Variants in CPSF2 observed in about 807,000 individuals in gnomAD.
The protein encoded by CPSF2 is cleavage and polyadenylation specificity factor subunit 2.
In CPSF2, 51 loss-of-function variants were observed where a neutral mutation model predicts 84.2. That is an observed-to-expected ratio of 0.61 (90% CI 0.48 to 0.77). The LOEUF (loss-of-function observed/expected upper bound fraction) is 0.77. CPSF2 is among the 30% of genes least tolerant of loss of function. CPSF2 has a pLI of 0.00. For missense variants in CPSF2, 641 were observed against 929.4 expected (o/e 0.69, Z 4.03); for synonymous variants, 286 against 311.9 (o/e 0.92, Z 0.87).
intron 8 of CPSF2, among the ~76,000 whole-genome samples, chr14:92,142,683 C>T (rs574966711): frequency 3.3e-5 from 5 of 152,122 alleles, no homozygotes; most frequent in Non-Finnish European, 7.4e-5. Context: ...ATTGTTCTTT[C>T]TTTTAAATAA....
At chr14:92,156,132 A>T (rs1367406724) in intron 11 of CPSF2, among the ~76,000 whole-genome samples, 2 of 152,182 alleles carry the variant, frequency 1.3e-5, no homozygotes, top group African/African-American at 4.8e-5. Context: ...CACTAAAAAT[A>T]CAAAAAAATT....
Position 92,161,225 on chromosome 14 carries a change from C to T in CPSF2, c.2235C>T (p.Asn745=), listed in dbSNP as rs973980735. 6.2e-7 allele frequency: 1 copy of T among 1,612,480 alleles called. No individual in the cohort carries two copies. Among genetic ancestry groups the T allele is most frequent in the South Asian group, 1.1e-5 (1 of 90,800 alleles). The change falls in exon 15 of 16, where the codon AAC becomes AAT. Residue 745 remains asparagine (N), a synonymous_variant. Coordinates refer to ENST00000298875, the MANE Select transcript of CPSF2 (RefSeq NM_017437.3). ...TTGTAGGAGGTGTACTTGTTTGCAA[C>T]AATCAAGTAGCAGTCCGCAGAGTAA... is the stretch of plus-strand genomic sequence containing the variant. The part of the protein sequence containing the change: ...AEFVGGVLVC[N]NQVAVRRTET...
Position 92,143,072 on chromosome 14 carries a change from C to T in CPSF2, c.918C>T (p.Arg306=). 3 of 1,613,970 alleles carry T rather than the reference C, an allele frequency of 1.9e-6. No homozygotes were observed. The highest frequency in any genetic ancestry group is 2.5e-6 in the Non-Finnish European group (3 of 1,179,894). ...AAAGAAATAATCCGTTTCAGTTTCG[C>T]CATCTCTCTTTATGTCATGGTCTTT... is the stretch of plus-strand genomic sequence containing the variant. ...EDKRNNPFQF[R]HLSLCHGLSD... Residue 306 remains arginine, a synonymous_variant, in exon 9 of 16, where the codon CGC becomes CGT. Coordinates refer to ENST00000298875, the MANE Select transcript of CPSF2 (RefSeq NM_017437.3).
intron 7 of CPSF2, among the ~76,000 whole-genome samples, chr14:92,139,608 G>A (rs919357600): frequency 2.9e-4 from 42 of 146,948 alleles, no homozygotes; most frequent in South Asian, 1.3e-3. Context: ...GCACAGTCTC[G>A]GCTCACTGCA....
chr14:92,122,447 T>C (rs565130183), intron 1 of CPSF2: 1 of 157,230 alleles, frequency 6.4e-6, no homozygotes, highest in Admixed American at 6.2e-5. Context: ...CGACGCCAGC[T>C]TTAGCTCCTT....
Position 92,167,755 on chromosome 14 carries a change from T to C in CPSF2, c.*6011T>C, listed in dbSNP as rs1377719505. ...AGAAAGAGTAAATCTTATCTTCTTCTGTACTTTTCTTTGATTAATGTAAGA... is the reference window on the plus strand; with the variant it reads ...AGAAAGAGTAAATCTTATCTTCTTCCGTACTTTTCTTTGATTAATGTAAGA... On this transcript the variant is annotated 3_prime_UTR_variant, in exon 16 of 16. Transcript: ENST00000298875. 6.9e-6 allele frequency: 1 copy of C among 145,774 alleles called. No homozygotes were observed. Among genetic ancestry groups the C allele is most frequent in the Non-Finnish European group, 1.5e-5 (1 of 66,378 alleles). 9.0% of individuals were successfully genotyped at this position (145,774 alleles called of 1,614,324 possible).
Position 92,169,296 on chromosome 14 carries a change from C to T in CPSF2, c.*7552C>T, listed in dbSNP as rs952036176. On this transcript the variant is annotated 3_prime_UTR_variant, in exon 16 of 16. Coordinates refer to ENST00000298875, the MANE Select transcript of CPSF2 (RefSeq NM_017437.3). ...GTCTCAGCCTCATGTGGCATTGCCA[C>T]TTGTTACTACATGACCCCCCCACAC... 1 of 152,188 alleles carries T rather than the reference C, an allele frequency of 6.6e-6. No homozygotes were observed. The highest frequency in any genetic ancestry group is 2.4e-5 in the African/African-American group (1 of 41,444). 9.4% of individuals were successfully genotyped at this position (152,188 alleles called of 1,614,324 possible). A position where few individuals can be genotyped will look rare whatever the true frequency, so the allele number is the denominator to read the frequency against.
chr14:92,135,797 C>T (rs954270394), intron 6 of CPSF2, among the ~76,000 whole-genome samples: 40 of 152,136 alleles, frequency 2.6e-4, no homozygotes, highest in Admixed American at 4.6e-4. Context: ...TCTTGACCTG[C>T]TATTTAACAC....
intron 2 of CPSF2, among the ~76,000 whole-genome samples, chr14:92,129,916 A>G (rs927452989): frequency 1.3e-5 from 2 of 151,428 alleles, no homozygotes; most frequent in African/African-American, 2.4e-5. Context: ...CAGTTTTCTT[A>G]TATTTTTTTT....
At chr14:92,158,778 T>G (rs1201910511) in intron 13 of CPSF2, among the ~76,000 whole-genome samples, 1 of 152,198 alleles carries the variant, frequency 6.6e-6, no homozygotes, top group Non-Finnish European at 1.5e-5. Flanking sequence ...TAGTCAGGGT[T>G]AAGAATCTCT....
chr14:92,155,695 G>C (rs985340902), intron 11 of CPSF2, among the ~76,000 whole-genome samples: 1 of 151,778 alleles, frequency 6.6e-6, no homozygotes, highest in Non-Finnish European at 1.5e-5. Context: ...TTGGGAGGCC[G>C]AGATGGGAGG....
rs910226931 is a variant in CPSF2 at position 92,130,894 on chromosome 14, A to G, written c.-34-57A>G. 2.9e-6 allele frequency: 3 copies of G among 1,046,728 alleles called. No homozygotes were observed. The Admixed American group carries it at 8.5e-5, about 30-fold the overall frequency. The allele number at this position is 1,046,728 out of a possible 1,614,324, so 64.8% of individuals were successfully genotyped here. A position where few individuals can be genotyped will look rare whatever the true frequency, so the allele number is the denominator to read the frequency against. On this transcript the variant is annotated intron_variant, in intron 2 of 15. Coordinates refer to ENST00000298875, the MANE Select transcript of CPSF2 (RefSeq NM_017437.3). Reference sequence around the variant, plus strand: ...TGAAATAATTTTAATCAATTTGTTTATTATATATGCCAGACTGTGCTTTTA... The same window carrying G: ...TGAAATAATTTTAATCAATTTGTTTGTTATATATGCCAGACTGTGCTTTTA...
intron 6 of CPSF2, among the ~76,000 whole-genome samples, chr14:92,137,867 CG>C (rs1162045699): frequency 6.6e-6 from 1 of 151,654 alleles, no homozygotes; most frequent in Non-Finnish European, 1.5e-5. Flanking sequence ...TAGAACTGAG[CG>C]TATAGGAATG....
intron 9 of CPSF2, among the ~76,000 whole-genome samples, chr14:92,149,564 C>T (rs1397631573): frequency 6.6e-6 from 1 of 151,958 alleles, no homozygotes; most frequent in Non-Finnish European, 1.5e-5. Context: ...CCAGTCTGGG[C>T]AGCATAGCGA....
At chr14:92,160,195 T>A (rs1383742011) in intron 14 of CPSF2, among the ~76,000 whole-genome samples, 1 of 152,228 alleles carries the variant, frequency 6.6e-6, no homozygotes, top group African/African-American at 2.4e-5. Context: ...ACTCCTGACC[T>A]CAGGTGATCC....
In CPSF2 at chr14:92,161,594, T is replaced by C. The variant is rs1595069500; in HGVS notation, c.2257-58T>C. ...TCTATTTCATATATTTCGGTTATTA[T>C]GTCTGCATATTAATGAATAGAAAAT... On this transcript the variant is annotated intron_variant, in intron 15 of 15. Coordinates refer to ENST00000298875, the MANE Select transcript of CPSF2 (RefSeq NM_017437.3). 6 of 1,210,574 alleles carry C rather than the reference T, an allele frequency of 5.0e-6. No homozygotes were observed. The East Asian group carries it at 1.5e-4, about 30-fold the overall frequency. 75.0% of individuals were successfully genotyped at this position (1,210,574 alleles called of 1,614,324 possible). A position where few individuals can be genotyped will look rare whatever the true frequency, so the allele number is the denominator to read the frequency against.
chr14:92,136,681 C>T (rs2069003801), intron 6 of CPSF2, among the ~76,000 whole-genome samples: 1 of 152,134 alleles, frequency 6.6e-6, no homozygotes, highest in African/African-American at 2.4e-5. Context: ...TCTCCTGACC[C>T]CTTCCTTTAA....
At chr14:92,134,399 T>A in intron 5 of CPSF2, 44 bp downstream of exon 5, 1 of 1,287,602 alleles carries the variant, frequency 7.8e-7, no homozygotes, top group Non-Finnish European at 1.1e-6. Flanking sequence ...GAATGGGGTT[T>A]AACTTGCTGG....
intron 14 of CPSF2, among the ~76,000 whole-genome samples, chr14:92,160,622 G>A (rs1405857378): frequency 6.6e-6 from 1 of 152,228 alleles, no homozygotes; most frequent in Non-Finnish European, 1.5e-5. Context: ...GAAAGCAGCA[G>A]CATTAGGCAA....
Sources: allele counts gnomAD v4.1 joint callset (sites outside exome capture counted in the v4.1 genomes callset), GRCh38; gene constraint gnomAD v4.1.1; transcripts MANE v1.5; gene names NCBI Gene and HGNC (gene_info 2026-07-23, HGNC 2026-07-21).